Variants in RTL9 observed in about 807,000 individuals in gnomAD.
RTL9 encodes the protein retrotransposon Gag like 9.
In RTL9, 19 loss-of-function variants were observed where a neutral mutation model predicts 44.7. The ratio of observed to expected loss-of-function variants is 0.42; its 90% CI spans 0.30 to 0.62. RTL9 has a LOEUF of 0.62. Ranked by LOEUF, RTL9 falls within the 20% of genes least tolerant of loss-of-function variation. The pLI is 0.16. For missense variants in RTL9, 1,105 were observed against 1,080.6 expected, an observed-to-expected ratio of 1.02 and a Z score of -0.32; for synonymous variants, 407 against 398.9, an observed-to-expected ratio of 1.02 and a Z score of -0.24.
At chrX:110,387,147 T>C (rs1030194541) in intron 1 of RTL9, among the ~76,000 whole-genome samples, 1 of 111,671 alleles carries the variant, frequency 9.0e-6, no homozygotes, top group African/African-American at 3.3e-5. Context: ...GAAAAAAATA[T>C]TGACTGTTTT....
chrX:110,402,121 G>T (rs1451002312), intron 1 of RTL9, among the ~76,000 whole-genome samples: 1 of 112,290 alleles, frequency 8.9e-6, no homozygotes, highest in Non-Finnish European at 1.9e-5. Context: ...ATATCAAACT[G>T]CATGACCTGA....
Position 110,408,700 on chromosome X carries a change from A to G in RTL9, c.-167-36453A>G, listed in dbSNP as rs143101261. ...TGTGATGTTGCTTTTGGAATTAATC[A>G]ATATAACATATCAGTTTGTGTCCAT... On this transcript the variant is annotated intron_variant, in intron 1 of 2. Coordinates refer to the RTL9 transcript ENST00000520821. Among the ~76,000 whole-genome samples, 820 of 112,259 alleles carry G rather than the reference A, an allele frequency of 7.3e-3. 8 individuals are homozygous for G. Among genetic ancestry groups the G allele is most frequent in the Non-Finnish European group, 0.012 (636 of 53,231 alleles).
intron 1 of RTL9, among the ~76,000 whole-genome samples, chrX:110,370,704 A>T (rs2068332391): frequency 1.8e-5 from 2 of 112,574 alleles, no homozygotes; most frequent in Non-Finnish European, 3.8e-5. Flanking sequence ...CTGGTAATTT[A>T]AAAAAGTGAA....
intron 1 of RTL9, among the ~76,000 whole-genome samples, chrX:110,387,160 A>G (rs1461860770): frequency 9.0e-6 from 1 of 111,715 alleles, no homozygotes; most frequent in East Asian, 2.8e-4. Flanking sequence ...ACTGTTTTTG[A>G]GGTGAGGCAT....
chrX:110,451,701 C>G, exon 1 of RTL9: 1 of 1,211,307 alleles, frequency 8.3e-7, no homozygotes, highest in Non-Finnish European at 1.1e-6. Flanking sequence ...GATGCCCACC[C>G]AAACGATGCC....
chrX:110,377,510 T>C (rs2068385295), intron 1 of RTL9, among the ~76,000 whole-genome samples: 1 of 112,011 alleles, frequency 8.9e-6, no homozygotes, highest in Non-Finnish European at 1.9e-5. Context: ...AATCAAACTA[T>C]TAATTAACTT....
At chrX:110,432,197 G>A (rs891109459) in intron 1 of RTL9, among the ~76,000 whole-genome samples, 5 of 112,293 alleles carry the variant, frequency 4.5e-5, no homozygotes, top group African/African-American at 1.6e-4. Context: ...CTTGCCAGGA[G>A]AGCACATCTG....
chrX:110,367,868 G>A (rs2068307935), intron 1 of RTL9, among the ~76,000 whole-genome samples: 1 of 109,599 alleles, frequency 9.1e-6, no homozygotes, highest in African/African-American at 3.3e-5. Flanking sequence ...GAATGGAGTG[G>A]CACAATCATA....
intron 1 of RTL9, among the ~76,000 whole-genome samples, chrX:110,380,065 C>T (rs1239397978): frequency 3.6e-5 from 4 of 111,545 alleles, no homozygotes; most frequent in Non-Finnish European, 7.5e-5. Context: ...TTCCTTATCC[C>T]CATCAGATTT....
chrX:110,371,943 A>G (rs1284031085), intron 1 of RTL9, among the ~76,000 whole-genome samples: 1 of 111,380 alleles, frequency 9.0e-6, no homozygotes, highest in Non-Finnish European at 1.9e-5. Context: ...TCCCTGTTGA[A>G]TATGCTCTCA....
chrX:110,379,537 C>T lies in RTL9; in HGVS notation c.-168+20621C>T, dbSNP rs762132029. 3.6e-5 allele frequency among the ~76,000 whole-genome samples: 4 copies of T among 111,852 alleles called. No homozygotes were observed. The East Asian group carries it at 8.4e-4, about 24-fold the overall frequency. On this transcript the variant is annotated intron_variant, in intron 1 of 2. Coordinates refer to the RTL9 transcript ENST00000520821. ...CCTTCTTTAAAGTGACTCAACTTCC[C>T]AAGCATGTGATTTTACGTATTTTAA...
upstream of RTL9, among the ~76,000 whole-genome samples, chrX:110,447,270 T>C (rs2068914027): frequency 9.2e-6 from 1 of 108,677 alleles, no homozygotes; most frequent in African/African-American, 3.4e-5. Context: ...CTTACCTGTA[T>C]ACTGAGAATT....
chrX:110,422,670 C>A (rs1456390903), intron 1 of RTL9, among the ~76,000 whole-genome samples: 1 of 112,356 alleles, frequency 8.9e-6, no homozygotes, highest in East Asian at 2.8e-4. Context: ...TTAAAAATGA[C>A]AACCTTGTTG....
intron 1 of RTL9, among the ~76,000 whole-genome samples, chrX:110,411,599 T>C: frequency 8.9e-6 from 1 of 111,886 alleles, no homozygotes; most frequent in South Asian, 3.8e-4. Context: ...GAATGATAGA[T>C]TTGACTATGC....
intron 1 of RTL9, among the ~76,000 whole-genome samples, chrX:110,421,619 T>C (rs947145379): frequency 8.9e-6 from 1 of 112,774 alleles, no homozygotes; most frequent in Non-Finnish European, 1.9e-5. Flanking sequence ...AGGCAATGAG[T>C]AACATTGATT....
At chrX:110,450,545 TA>T, upstream of RTL9, 1 of 968,276 alleles carries the variant, frequency 1.0e-6, no homozygotes, top group Non-Finnish European at 1.4e-6. Context: ...TTTTGACCTC[TA>T]AACTTGTTTC....
exon 1 of RTL9, chrX:110,452,322 G>C (rs1295712399): frequency 1.7e-6 from 2 of 1,210,191 alleles, no homozygotes; most frequent in Non-Finnish European, 2.2e-6. Context: ...ACAGATGAAA[G>C]CCATGACTTC....
At chrX:110,377,483 A>T (rs2148269956) in intron 1 of RTL9, among the ~76,000 whole-genome samples, 1 of 111,882 alleles carries the variant, frequency 8.9e-6, no homozygotes, top group Non-Finnish European at 1.9e-5. Context: ...TTTTCTTTTA[A>T]TAATAAAAAG....
rs191017783 is a variant in RTL9, at chrX:110,423,955, T to A, written c.-168+4820T>A. Among the ~76,000 whole-genome samples the A allele has an allele frequency of 1.8e-4, 20 of 112,811 alleles. No homozygotes were observed. The East Asian group carries it at 5.6e-3, about 31-fold the overall frequency. Reference sequence around the variant, plus strand: ...CTGTAGTTTTTTCATGGCATTTTGCTAAAGATGCACATTCATTAATTCATC... The same window carrying A: ...CTGTAGTTTTTTCATGGCATTTTGCAAAAGATGCACATTCATTAATTCATC... On this transcript the variant is annotated intron_variant, in intron 1 of 3. Coordinates refer to the RTL9 transcript ENST00000465301.
Sources: gnomAD v4.1 joint callset for allele counts (sites outside exome capture counted in the v4.1 genomes callset) on GRCh38, gnomAD v4.1.1 for gene constraint, MANE v1.5 for transcripts, NCBI Gene and HGNC (gene_info 2026-07-23, HGNC 2026-07-21) for gene names.